The following LRP1B variants were observed in gnomAD, a reference collection of about 807,000 sequenced individuals.
LRP1B encodes low-density lipoprotein receptor-related protein 1B.
A neutral mutation model predicts 556.6 loss-of-function variants in LRP1B; 217 were observed. The observed-to-expected ratio is 0.39, with a 90% CI of 0.35 to 0.44. The LOEUF (loss-of-function observed/expected upper bound fraction) is 0.44. Ranked by LOEUF, LRP1B falls within the 20% of genes least tolerant of loss-of-function variation. LRP1B has a pLI of 1.00. For missense variants in LRP1B, 5,053 were observed against 5,620.8 expected, an observed-to-expected ratio of 0.90 and a Z score of 3.23; for synonymous variants, 2,047 against 1,865.8, an observed-to-expected ratio of 1.10 and a Z score of -2.50.
chr2:140,715,897 A>C, intron 37 of LRP1B, 76 bp downstream of exon 37: 1 of 1,226,460 alleles, frequency 8.2e-7, no homozygotes, highest in Admixed American at 2.3e-5. Context: ...TACAGCTAAA[A>C]GTAATTAGTT....
intron 5 of LRP1B, among the ~76,000 whole-genome samples, chr2:141,231,648 G>C (rs990551841): frequency 4.2e-4 from 21 of 50,352 alleles, no homozygotes; most frequent in Admixed American, 2.6e-3. Flanking sequence ...CAACCTCCAC[G>C]TGGCAACCTT....
chr2:140,281,441 A>C (rs2104966127), intron 84 of LRP1B, among the ~76,000 whole-genome samples: 1 of 151,948 alleles, frequency 6.6e-6, no homozygotes, highest in South Asian at 2.1e-4. Context: ...ATATCAGCTA[A>C]GCAGGGTATG....
intron 51 of LRP1B, among the ~76,000 whole-genome samples, chr2:140,513,998 C>A (rs998931336): frequency 6.6e-6 from 1 of 151,944 alleles, no homozygotes; most frequent in Admixed American, 6.6e-5. Flanking sequence ...CCTTCTTTTA[C>A]CCCTTAGGAA....
At chr2:141,524,743 C>G in intron 2 of LRP1B, among the ~76,000 whole-genome samples, 1 of 151,268 alleles carries the variant, frequency 6.6e-6, no homozygotes, top group South Asian at 2.1e-4. Context: ...TGAAATTACC[C>G]CATCAACTCT....
At position 141,638,889 on chromosome 2, in the gene LRP1B, GTA is replaced by G. The variant is rs201084666; in HGVS notation, c.206-158358_206-158357del. ...TATATATATATATATATATGTGTGTGTATGTGCGTGTGTGTGTGTGTGTGTAT... is the reference window on the plus strand; with the variant it reads ...TATATATATATATATATATGTGTGTGTGTGCGTGTGTGTGTGTGTGTGTAT... On this transcript the variant is annotated intron_variant, in intron 2 of 90. Transcript: ENST00000389484. Among the ~76,000 whole-genome samples the G allele has an allele frequency of 7.2e-4, 31 of 42,840 alleles. 6 individuals carry two copies. Among genetic ancestry groups the G allele is most frequent in the East Asian group, 2.9e-3 (7 of 2,434 alleles). 28.1% of individuals were successfully genotyped at this position (42,840 alleles called of 152,430 possible).
chr2:140,537,937 T>C (rs528950793), intron 45 of LRP1B, among the ~76,000 whole-genome samples: 64 of 152,262 alleles, frequency 4.2e-4, no homozygotes, highest in Non-Finnish European at 1.3e-4. Flanking sequence ...TGGGGTATAC[T>C]GTCTGCTTGC....
intron 3 of LRP1B, among the ~76,000 whole-genome samples, chr2:141,462,479 A>G (rs1333372508): frequency 7.1e-6 from 1 of 139,914 alleles, no homozygotes; most frequent in East Asian, 2.3e-4. Flanking sequence ...GACATCACAC[A>G]CCAGGGCCTG....
chr2:141,388,173 C>T (rs1229949730), intron 3 of LRP1B, among the ~76,000 whole-genome samples: 1 of 152,162 alleles, frequency 6.6e-6, no homozygotes, highest in Non-Finnish European at 1.5e-5. Flanking sequence ...CAGTGGCTCA[C>T]ACCTGTAATC....
At chr2:141,020,192 T>G in intron 11 of LRP1B, 90 bp from the exon 12 acceptor site, 2 of 840,108 alleles carry the variant, frequency 2.4e-6, no homozygotes. Context: ...ATAAAAACTT[T>G]AGTTCAAAAA....
At chr2:141,260,461 A>G (rs1048150810) in intron 3 of LRP1B, among the ~76,000 whole-genome samples, 1 of 149,912 alleles carries the variant, frequency 6.7e-6, no homozygotes, top group African/African-American at 2.5e-5. Context: ...CCTTCCTTAG[A>G]GTGAAAACAG....
chr2:141,319,170 G>T (rs1256798708), intron 3 of LRP1B, among the ~76,000 whole-genome samples: 1 of 151,776 alleles, frequency 6.6e-6, no homozygotes, highest in Non-Finnish European at 1.5e-5. Flanking sequence ...ACACATATTT[G>T]TAATATCGTC....
At chr2:140,514,501 T>C in intron 51 of LRP1B, 152 bp downstream of exon 51, 3 of 537,090 alleles carry the variant, frequency 5.6e-6, no homozygotes, top group Non-Finnish European at 8.8e-6. Context: ...GAATAATGGA[T>C]TGTCATGAAA....
rs868173402 is a variant in LRP1B, at chr2:141,295,946, T to C, written c.344-41305A>G. On this transcript the variant is annotated intron_variant, in intron 3 of 90. Transcript: ENST00000389484. ...CACCTGAGTCTGTAGTCTCGGTTAA[T>C]TTCCGCTTAGGCAAAATGGTTACCT... Among the ~76,000 whole-genome samples the C allele has an allele frequency of 5.9e-5, 9 of 152,304 alleles. No homozygotes were observed. In the East Asian group the frequency reaches 1.4e-3, roughly 23 times the overall value.
At chr2:140,861,321 C>T (rs911057995) in intron 27 of LRP1B, among the ~76,000 whole-genome samples, 1 of 152,122 alleles carries the variant, frequency 6.6e-6, no homozygotes, top group Non-Finnish European at 1.5e-5. Flanking sequence ...GCTGGAGAAT[C>T]GCTTGAACCT....
intron 3 of LRP1B, among the ~76,000 whole-genome samples, chr2:141,264,703 C>CCT (rs1684823178): frequency 6.6e-6 from 1 of 152,194 alleles, no homozygotes; most frequent in African/African-American, 2.4e-5. Flanking sequence ...GATCCACCTG[C>CCT]CTTGGCCTCC....
intron 3 of LRP1B, among the ~76,000 whole-genome samples, chr2:141,434,550 A>G (rs1305522560): frequency 6.6e-6 from 1 of 152,064 alleles, no homozygotes; most frequent in Non-Finnish European, 1.5e-5. Flanking sequence ...TATTTTTAAG[A>G]GCTGCCTTGA....
intron 7 of LRP1B, among the ~76,000 whole-genome samples, chr2:141,085,461 A>C (rs1328332847): frequency 2.0e-4 from 31 of 152,152 alleles, no homozygotes; most frequent in Admixed American, 2.0e-3. Context: ...TTGTGAGAAG[A>C]GGAAATGAGG....
chr2:141,854,653 A>G (rs1262698698), intron 1 of LRP1B, among the ~76,000 whole-genome samples: 1 of 152,064 alleles, frequency 6.6e-6, no homozygotes, highest in East Asian at 1.9e-4. Flanking sequence ...AAAAATGTGG[A>G]TGCCATAAAA....
chr2:141,474,131 C>T (rs1247128232), intron 3 of LRP1B, among the ~76,000 whole-genome samples: 3 of 149,440 alleles, frequency 2.0e-5, no homozygotes, highest in African/African-American at 4.9e-5. Context: ...TTCCTTTCCT[C>T]CTTTCTTCTT....
Sources: allele counts gnomAD v4.1 joint callset (sites outside exome capture counted in the v4.1 genomes callset), GRCh38; gene constraint gnomAD v4.1.1; transcripts MANE v1.5; gene names NCBI Gene and HGNC (gene_info 2026-07-23, HGNC 2026-07-21).